The following LIME1 variants were observed in gnomAD, a reference collection of about 807,000 sequenced individuals.
LIME1 encodes the protein lck-interacting transmembrane adapter 1.
A neutral mutation model predicts 18.8 loss-of-function variants in LIME1; 23 were observed. The observed-to-expected ratio is 1.22, with a 90% CI of 0.88 to 1.73. The LOEUF (loss-of-function observed/expected upper bound fraction) is 1.73. LIME1 is among the 40% of genes most tolerant of loss of function. The pLI is 0.00. For missense variants in LIME1, 423 were observed against 396.8 expected (o/e 1.07, Z -0.56); for synonymous variants, 177 against 182.3 (o/e 0.97, Z 0.23).
At position 63,738,859 on chromosome 20, in the gene LIME1, C is replaced by G. The variant is rs971132730; in HGVS notation, c.847C>G (p.Leu283Val). Residue 283 changes from leucine (L) to valine (V), a missense_variant, in exon 6 of 6, where the codon CTA becomes GTA. Physicochemically the swap from Leu to Val is conservative, Grantham distance 32 (BLOSUM62 1). Transcript: ENST00000309546. ...GTPPASSCPS[L>V]GRGWRPLPAS... is the part of the protein sequence containing the mutation. ...GCCCCCTGCTTCCAGCTGCCCCAGC[C>G]TAGGGAGGGGCTGGAGACCCCTCCC... 1.2e-6 allele frequency: 2 copies of G among 1,610,144 alleles called. No homozygotes were observed. The highest frequency in any genetic ancestry group is 2.2e-5 in the East Asian group (1 of 44,736).
chr20:63,736,014 C>T, upstream of LIME1: 1 of 1,519,998 alleles, frequency 6.6e-7, no homozygotes, highest in Non-Finnish European at 8.9e-7. Flanking sequence ...GCCTGCTGGC[C>T]TGGGGCGTGC....
chr20:63,738,073 C>CAGGGCGGGGCG lies in LIME1; in HGVS notation c.268+13_268+14insAGGGCGGGGCG, dbSNP rs2092015968. On this transcript the variant is annotated intron_variant, in intron 4 of 5. Transcript: ENST00000309546. Reference sequence around the variant, plus strand: ...CGCAGCAGCAGGGGTGAGCAGAGGGCGGGGCGGGGGCGGCCGGGCGGGGCT... The same window carrying CAGGGCGGGGCG: ...CGCAGCAGCAGGGGTGAGCAGAGGGCAGGGCGGGGCGGGGGCGGGGGCGGCCGGGCGGGGCT... The CAGGGCGGGGCG allele has an allele frequency of 1.1e-5, 15 of 1,425,198 alleles. No homozygotes were observed. In the South Asian group the frequency reaches 1.6e-4, roughly 15 times the overall value. 88.3% of individuals were successfully genotyped at this position (1,425,198 alleles called of 1,614,324 possible).
intron 1 of LIME1, 168 bp downstream of exon 1, chr20:63,736,880 C>G: frequency 1.0e-6 from 1 of 986,552 alleles, no homozygotes. Context: ...CTGGACTGTG[C>G]TGTTTGTAAG....
At chr20:63,737,681 C>T in intron 2 of LIME1, 34 bp downstream of exon 2, 2 of 1,514,104 alleles carry the variant, frequency 1.3e-6, no homozygotes, top group South Asian at 1.3e-5. Flanking sequence ...TCTGGGGCCT[C>T]GCTGCGGCTG....
Position 63,738,053 on chromosome 20 carries a change from C to T in LIME1, c.261C>T (p.Ser87=). 6.5e-6 allele frequency: 8 copies of T among 1,227,872 alleles called. No homozygotes were observed. Among genetic ancestry groups the T allele is most frequent in the Non-Finnish European group, 9.1e-6 (8 of 879,462 alleles). The allele number at this position is 1,227,872 out of a possible 1,614,324, so 76.1% of individuals were successfully genotyped here. A position where few individuals can be genotyped will look rare whatever the true frequency, so the allele number is the denominator to read the frequency against. The change falls in exon 4 of 6, where the codon AGC becomes AGT. Residue 87 remains serine, a synonymous_variant. Coordinates refer to ENST00000309546, the MANE Select transcript of LIME1 (RefSeq NM_017806.4). ...RLHELHRGPR[S]SRALRPASMD... ...ACGAGCTGCACCGGGGCCCGCGCAGCAGCAGGGGTGAGCAGAGGGCGGGGC... is the reference window on the plus strand; with the variant it reads ...ACGAGCTGCACCGGGGCCCGCGCAGTAGCAGGGGTGAGCAGAGGGCGGGGC...
chr20:63,737,332 T>G, intron 1 of LIME1: 5 of 1,322,204 alleles, frequency 3.8e-6, no homozygotes, highest in Non-Finnish European at 4.8e-6. Flanking sequence ...GCAGCCCTAG[T>G]TCACCTCACC....
Position 63,738,766 on chromosome 20 carries a change from A to G in LIME1, c.754A>G (p.Asn252Asp). The G allele has an allele frequency of 6.2e-7, 1 of 1,612,988 alleles. No individual in the cohort carries two copies. Among genetic ancestry groups the G allele is most frequent in the African/African-American group, 1.3e-5 (1 of 75,040 alleles). Residue 252 changes from asparagine (N) to aspartate (D), a missense_variant, in exon 6 of 6, where the codon AAC (asparagine) becomes GAC (aspartate). Transcript: ENST00000309546. ...GGATGTGGACAGCGGCCCCCTGGAA[A>G]ACGTGTATGAGAGCATCCGGGAGCT... ...ALDVDSGPLE[N>D]VYESIRELGD...
At chr20:63,737,734 C>A in intron 2 of LIME1, 87 bp downstream of exon 2, 1 of 1,419,666 alleles carries the variant, frequency 7.0e-7, no homozygotes. Flanking sequence ...GGCAGGTCCG[C>A]GCACCCAGCT....
chr20:63,737,750 C>A, intron 2 of LIME1, 71 bp from the exon 3 acceptor site: 2 of 1,409,916 alleles, frequency 1.4e-6, no homozygotes, highest in Non-Finnish European at 1.9e-6. Flanking sequence ...CAGCTCGGCA[C>A]GCGCGCCTGC....
intron 1 of LIME1, 188 bp downstream of exon 1, chr20:63,736,900 AC>A: frequency 1.0e-6 from 1 of 985,654 alleles, no homozygotes; most frequent in Non-Finnish European, 1.2e-6. Context: ...GGCATCCCCC[AC>A]CCCGAGAAGT....
At chr20:63,737,750 C>T in intron 2 of LIME1, 71 bp from the exon 3 acceptor site, 2 of 1,409,920 alleles carry the variant, frequency 1.4e-6, no homozygotes, top group Non-Finnish European at 1.9e-6. Flanking sequence ...CAGCTCGGCA[C>T]GCGCGCCTGC....
Position 63,737,877 on chromosome 20 carries a change from AG to A in LIME1, c.158del (p.Gly53AlafsTer11). The A allele has an allele frequency of 6.3e-7, 1 of 1,579,834 alleles. No individual in the cohort carries two copies. The highest frequency in any genetic ancestry group is 8.6e-7 in the Non-Finnish European group (1 of 1,168,502). On this transcript the variant is annotated frameshift_variant, in exon 3 of 6. Transcript: ENST00000309546. LOFTEE classifies it high-confidence loss of function. ...GCGCGGAGGCAGCGGGCGAGGCTGCAGGGCAGTGCGACGGCGGCGGAAGCGG... is the reference window on the plus strand; with the variant it reads ...GCGCGGAGGCAGCGGGCGAGGCTGCAGGCAGTGCGACGGCGGCGGAAGCGG... ...KRARRQRARLQGSATAAEASL... is the reference protein window; with the variant it reads ...KRARRQRARLXGSATAAEASL...
At position 63,738,829 on chromosome 20, in the gene LIME1, G is replaced by A; in HGVS notation, c.817G>A (p.Gly273Arg). 1 of 1,611,764 alleles carries A rather than the reference G, an allele frequency of 6.2e-7. No homozygotes were observed. Among genetic ancestry groups the A allele is most frequent in the Admixed American group, 1.7e-5 (1 of 59,874 alleles). Residue 273 changes from glycine (G) to arginine (R), a missense_variant, in exon 6 of 6, where the codon GGG (glycine) becomes AGG (arginine). Gly to Arg is a moderately radical substitution (Grantham distance 125). Coordinates refer to ENST00000309546, the MANE Select transcript of LIME1 (RefSeq NM_017806.4). ...PAGRSSTCGA[G>R]TPPASSCPSL... ...TGGCAGGAGCAGCACGTGCGGGGCT[G>A]GGACGCCCCCTGCTTCCAGCTGCCC...
chr20:63,738,246 C>A lies in LIME1; in HGVS notation c.332C>A (p.Thr111Asn). 1 of 1,590,688 alleles carries A rather than the reference C, an allele frequency of 6.3e-7. No homozygotes were observed. Among genetic ancestry groups the A allele is most frequent in the Non-Finnish European group, 8.5e-7 (1 of 1,173,696 alleles). Residue 111 changes from threonine to asparagine, a missense_variant, in exon 5 of 6, where the codon ACC becomes AAC. Coordinates refer to ENST00000309546, the MANE Select transcript of LIME1 (RefSeq NM_017806.4). ...TGGCTGGAGGTGTCCAGGGACATCA[C>A]CGGACCGCAGGCAGCCCCCTCTGCC... is the stretch of plus-strand genomic sequence containing the variant. ...PHWLEVSRDI[T>N]GPQAAPSAFP...
At position 63,738,803 on chromosome 20, in the gene LIME1, C is replaced by G; in HGVS notation, c.791C>G (p.Ala264Gly). 6.2e-7 allele frequency: 1 copy of G among 1,612,626 alleles called. No individual in the cohort carries two copies. Among genetic ancestry groups the G allele is most frequent in the East Asian group, 2.2e-5 (1 of 44,856 alleles). Reference sequence around the variant, plus strand: ...AGCATCCGGGAGCTGGGGGACCCTGCTGGCAGGAGCAGCACGTGCGGGGCT... The same window carrying G: ...AGCATCCGGGAGCTGGGGGACCCTGGTGGCAGGAGCAGCACGTGCGGGGCT... ...YESIRELGDPAGRSSTCGAGT... is the reference protein window; with the variant it reads ...YESIRELGDPGGRSSTCGAGT... The change falls in exon 6 of 6, where the codon GCT (alanine) becomes GGT (glycine). Residue 264 changes from alanine to glycine, a missense_variant. By Grantham distance (60) the Ala-to-Gly change is moderately conservative. Transcript: ENST00000309546.
At chr20:63,737,793 C>A (rs766456558) in intron 2 of LIME1, 28 bp from the exon 3 acceptor site, 4 of 1,250,566 alleles carry the variant, frequency 3.2e-6, no homozygotes, top group Non-Finnish European at 4.3e-6. Context: ...GACGACCCCG[C>A]CCCCCGCCCC....
Position 63,738,644 on chromosome 20 carries a change from C to T in LIME1, c.632C>T (p.Pro211Leu), listed in dbSNP as rs1151625. ...SRVCKPKRRD[P>L]GPTTDPLDPK... ...GTCTGCAAGCCTAAAAGGAGGGACC[C>T]AGGACCCACCACAGACCCGCTGGAC... Residue 211 changes from proline to leucine, a missense_variant, in exon 6 of 6, where the codon CCA (proline) becomes CTA (leucine). Transcript: ENST00000309546. 109,428 of 1,607,902 alleles carry T rather than the reference C, an allele frequency of 0.068. 4,234 individuals are homozygous for T. Among genetic ancestry groups the T allele is most frequent in the Non-Finnish European group, 0.08 (93,992 of 1,177,538 alleles).
chr20:63,738,204 A>C lies in LIME1; in HGVS notation c.290A>C (p.Asp97Ala), dbSNP rs2092018616. 3.8e-6 allele frequency: 6 copies of C among 1,585,762 alleles called. No individual in the cohort carries two copies. Among genetic ancestry groups the C allele is most frequent in the Non-Finnish European group, 5.1e-6 (6 of 1,171,428 alleles). ...CCAGCCCTGCGGCCTGCCAGCATGG[A>C]TCTCCTGCGCCCACACTGGCTGGAG... is the stretch of plus-strand genomic sequence containing the variant. ...SSRALRPASM[D>A]LLRPHWLEVS... Residue 97 changes from aspartate (D) to alanine (A), a missense_variant, in exon 5 of 6, where the codon GAT (aspartate) becomes GCT (alanine). Asp to Ala is a moderately radical substitution (Grantham distance 126, BLOSUM62 -2). Coordinates refer to ENST00000309546, the MANE Select transcript of LIME1 (RefSeq NM_017806.4).
chr20:63,737,056 G>A (rs2091998198), intron 1 of LIME1: 2 of 987,068 alleles, frequency 2.0e-6, no homozygotes, highest in Non-Finnish European at 2.4e-6. Context: ...TCCTCCGGGT[G>A]CAGGGTCCCT....
Sources: allele counts gnomAD v4.1 joint callset, GRCh38; gene constraint gnomAD v4.1.1; transcripts MANE v1.5; gene names NCBI Gene and HGNC (gene_info 2026-07-23, HGNC 2026-07-21).